The following CEP128 variants were observed in gnomAD, a reference collection of about 807,000 sequenced individuals.
CEP128 encodes the protein centrosomal protein 128.
A neutral mutation model predicts 156.7 loss-of-function variants in CEP128; 132 were observed. The ratio of observed to expected loss-of-function variants is 0.84; its 90% CI spans 0.73 to 0.97. CEP128 has a LOEUF of 0.97. CEP128 is among the 50% of genes least tolerant of loss of function. CEP128 has a pLI of 0.00. For synonymous variants in CEP128, 469 were observed against 448.9 expected, an observed-to-expected ratio of 1.04 and a Z score of -0.57; for missense variants, 1,252 against 1,281.9, an observed-to-expected ratio of 0.98 and a Z score of 0.36.
chr14:80,887,618 C>T (rs1331191964), intron 8 of CEP128, among the ~76,000 whole-genome samples: 1 of 152,178 alleles, frequency 6.6e-6, no homozygotes, highest in Non-Finnish European at 1.5e-5. Context: ...GTCTGGGATA[C>T]AGCTAAAGCA....
chr14:80,521,644 T>A (rs1479912896), intron 23 of CEP128, among the ~76,000 whole-genome samples: 1 of 152,210 alleles, frequency 6.6e-6, no homozygotes, highest in Non-Finnish European at 1.5e-5. Flanking sequence ...GCCTATAAGG[T>A]TTTAAATGTG....
rs538321462 is a variant in CEP128 at position 80,733,880 on chromosome 14, G to C, written c.2806+9195C>G. ...AAATTGAAGTTTAGAACCCACTAAAGGTACACTAGGCATCTGAAAATTCAG... is the reference window on the plus strand; with the variant it reads ...AAATTGAAGTTTAGAACCCACTAAACGTACACTAGGCATCTGAAAATTCAG... On this transcript the variant is annotated intron_variant, in intron 19 of 24. Coordinates refer to ENST00000555265, the MANE Select transcript of CEP128 (RefSeq NM_152446.5). Among the ~76,000 whole-genome samples, 8 of 152,108 alleles carry C rather than the reference G, an allele frequency of 5.3e-5. No individual in the cohort carries two copies. The South Asian group carries it at 1.0e-3, about 20-fold the overall frequency.
chr14:80,561,896 C>A (rs894008627), intron 20 of CEP128, among the ~76,000 whole-genome samples: 7 of 142,298 alleles, frequency 4.9e-5, no homozygotes, highest in Admixed American at 2.8e-4. Flanking sequence ...ATACGAAGGT[C>A]TATATATATA....
intron 8 of CEP128, among the ~76,000 whole-genome samples, chr14:80,878,262 G>A (rs1372473140): frequency 6.6e-6 from 1 of 152,106 alleles, no homozygotes; most frequent in Non-Finnish European, 1.5e-5. Context: ...TAAGAGCCAT[G>A]GCTGAGCTGT....
At chr14:80,910,959 T>C (rs1052040913) in intron 4 of CEP128, among the ~76,000 whole-genome samples, 7 of 152,226 alleles carry the variant, frequency 4.6e-5, no homozygotes, top group Non-Finnish European at 1.0e-4. Flanking sequence ...TAACTGTAGA[T>C]GCTTTTAGAT....
chr14:80,868,584 AATG>A (rs1331455786), intron 8 of CEP128, among the ~76,000 whole-genome samples: 3 of 152,138 alleles, frequency 2.0e-5, no homozygotes, highest in Admixed American at 1.3e-4. Flanking sequence ...GAAAAAAATA[AATG>A]AAGAAACTAT....
intron 21 of CEP128, among the ~76,000 whole-genome samples, chr14:80,551,993 G>A (rs567186993): frequency 2.6e-4 from 39 of 152,154 alleles, no homozygotes; most frequent in Admixed American, 7.9e-4. Flanking sequence ...CATGGAACTC[G>A]GGATGGGTGA....
chr14:80,510,830 T>C (rs1377168761), intron 23 of CEP128, among the ~76,000 whole-genome samples: 2 of 151,864 alleles, frequency 1.3e-5, no homozygotes, highest in African/African-American at 4.8e-5. Flanking sequence ...TCATGAAGGA[T>C]GTTTATCAAA....
intron 19 of CEP128, among the ~76,000 whole-genome samples, chr14:80,735,246 A>T (rs887697952): frequency 2.0e-5 from 3 of 152,174 alleles, no homozygotes; most frequent in Admixed American, 6.5e-5. Context: ...AGGGCCTTAC[A>T]ACAGCCTAAG....
At chr14:80,722,436 T>C (rs1897852519) in intron 19 of CEP128, among the ~76,000 whole-genome samples, 1 of 152,102 alleles carries the variant, frequency 6.6e-6, no homozygotes, top group Admixed American at 6.5e-5. Flanking sequence ...TCTCTGTTCT[T>C]TGGTGTGTAA....
At position 80,735,012 on chromosome 14, in the gene CEP128, C is replaced by T. The variant is rs73338600; in HGVS notation, c.2806+8063G>A. Among the ~76,000 whole-genome samples, 925 of 152,184 alleles carry T rather than the reference C, an allele frequency of 6.1e-3. 8 individuals are homozygous for T. Among genetic ancestry groups the T allele is most frequent in the African/African-American group, 0.02 (849 of 41,506 alleles). On this transcript the variant is annotated intron_variant, in intron 19 of 24. Transcript: ENST00000555265. ...AGATAATACAAACCATATGACCTAA[C>T]AGGTATCCCTCCCAGATGTCAGAAA...
At chr14:80,827,924 A>C (rs1351729815) in intron 13 of CEP128, among the ~76,000 whole-genome samples, 1 of 151,898 alleles carries the variant, frequency 6.6e-6, no homozygotes, top group Non-Finnish European at 1.5e-5. Flanking sequence ...CTCTCTTCTG[A>C]GTTTCATTGT....
intron 19 of CEP128, among the ~76,000 whole-genome samples, chr14:80,666,879 A>G (rs577102731): frequency 6.6e-6 from 1 of 152,314 alleles, no homozygotes; most frequent in South Asian, 2.1e-4. Flanking sequence ...AGAAAAAAGT[A>G]AGCACTAATA....
At chr14:80,638,314 T>C (rs1259986046) in intron 19 of CEP128, among the ~76,000 whole-genome samples, 1 of 152,190 alleles carries the variant, frequency 6.6e-6, no homozygotes, top group Non-Finnish European at 1.5e-5. Flanking sequence ...AGATAATACA[T>C]GTTATATAAT....
At chr14:80,848,200 G>C (rs998360052) in intron 9 of CEP128, among the ~76,000 whole-genome samples, 6 of 152,176 alleles carry the variant, frequency 3.9e-5, no homozygotes, top group Admixed American at 2.0e-4. Flanking sequence ...TTCTGAAGTA[G>C]AGTTCTGAAC....
chr14:80,901,013 T>C (rs1487045659), intron 6 of CEP128, among the ~76,000 whole-genome samples: 2 of 151,894 alleles, frequency 1.3e-5, no homozygotes, highest in East Asian at 3.9e-4. Context: ...GAGACCATCC[T>C]GGCTAACACG....
chr14:80,738,286 A>G (rs2139570522), intron 19 of CEP128, among the ~76,000 whole-genome samples: 1 of 152,356 alleles, frequency 6.6e-6, no homozygotes, highest in South Asian at 2.1e-4. Flanking sequence ...CAAATAAATT[A>G]TAAGACATTA....
intron 13 of CEP128, among the ~76,000 whole-genome samples, chr14:80,807,395 C>T (rs968350001): frequency 2.6e-5 from 4 of 152,196 alleles, no homozygotes; most frequent in African/African-American, 9.7e-5. Flanking sequence ...CACCCGCTCT[C>T]TGCAGAAGCA....
chr14:80,510,642 T>C (rs1888201685), intron 23 of CEP128, among the ~76,000 whole-genome samples: 1 of 152,114 alleles, frequency 6.6e-6, no homozygotes. Flanking sequence ...CTATGTTTAA[T>C]AGCTAGTGAA....
Sources: allele counts gnomAD v4.1 joint callset (sites outside exome capture counted in the v4.1 genomes callset), GRCh38; gene constraint gnomAD v4.1.1; transcripts MANE v1.5; gene names NCBI Gene and HGNC (gene_info 2026-07-23, HGNC 2026-07-21).